ANKRD33B: variants seen among roughly 807,000 people sequenced by gnomAD.
ANKRD33B encodes the protein ankyrin repeat domain 33B.
A neutral mutation model predicts 21.5 loss-of-function variants in ANKRD33B; 6 were observed. The observed-to-expected ratio is 0.28, with a 90% CI of 0.15 to 0.55. ANKRD33B has a LOEUF of 0.55. ANKRD33B is among the 20% of genes least tolerant of loss of function. ANKRD33B has a pLI of 0.94. For synonymous variants in ANKRD33B, 347 were observed against 342.4 expected (o/e 1.01, Z -0.15); for missense variants, 698 against 747.2 (o/e 0.93, Z 0.77).
intron 1 of ANKRD33B, among the ~76,000 whole-genome samples, chr5:10,566,053 C>G (rs1156997431): frequency 8.5e-5 from 13 of 152,074 alleles, no homozygotes; most frequent in South Asian, 2.1e-4. Context: ...ACATTGCCCC[C>G]GTGATTCAAT....
At chr5:10,578,104 C>T (rs571884616) in intron 1 of ANKRD33B, among the ~76,000 whole-genome samples, 3 of 152,374 alleles carry the variant, frequency 2.0e-5, no homozygotes, top group African/African-American at 7.2e-5. Context: ...GGCTCTTTCA[C>T]ACACTGTGAT....
chr5:10,650,019 A>G lies in ANKRD33B; in HGVS notation c.1391A>G (p.Lys464Arg), dbSNP rs1221959690. The change falls in exon 4 of 4, where the codon AAG (lysine) becomes AGG (arginine). Residue 464 changes from lysine to arginine, a missense_variant. Lys to Arg is a conservative substitution (Grantham distance 26). This residue lies in a region of ANKRD33B where 543 missense variants were observed against 566.5 expected (regional missense o/e 0.96). Coordinates refer to ENST00000296657, the MANE Select transcript of ANKRD33B (RefSeq NM_001164440.2). ...CCCAAGTGGCGGTACAAGGAGGCCA[A>G]GGAGGAGAAGAGGAAGGCAGAGGAG... Reference protein sequence around the residue: ...QIPKWRYKEAKEEKRKAEEAE... With the variant: ...QIPKWRYKEAREEKRKAEEAE... 1 of 1,533,056 alleles carries G rather than the reference A, an allele frequency of 6.5e-7. No homozygotes were observed. The highest frequency in any genetic ancestry group is 1.2e-5 in the South Asian group (1 of 83,870). The allele number at this position is 1,533,056 out of a possible 1,614,324, so 95.0% of individuals were successfully genotyped here.
rs774080913 is a variant in ANKRD33B, at chr5:10,576,185, C to T, written c.366+11352C>T. ...AGTTGAATGAGCGTGAAAAGCTGCA[C>T]GCATGACCTTTTTCCTGTAGCCTTG... On this transcript the variant is annotated intron_variant, in intron 1 of 3. Transcript: ENST00000296657. The surrounding 1 kb of genome is among the most constrained non-coding windows in gnomAD (Gnocchi z 4.1). 7.2e-5 allele frequency among the ~76,000 whole-genome samples: 11 copies of T among 152,266 alleles called. No individual in the cohort carries two copies. Among genetic ancestry groups the T allele is most frequent in the South Asian group, 2.1e-4 (1 of 4,822 alleles).
At chr5:10,575,730 G>C (rs759136506) in intron 1 of ANKRD33B, among the ~76,000 whole-genome samples, 14 of 152,172 alleles carry the variant, frequency 9.2e-5, no homozygotes, top group Non-Finnish European at 1.5e-4. Context: ...GGGAATTACA[G>C]GGAGTGAAAA....
intron 1 of ANKRD33B, among the ~76,000 whole-genome samples, chr5:10,571,909 A>G (rs2936586): frequency 0.78 from 116,260 of 148,876 alleles, 45,692 homozygotes; most frequent in East Asian, 0.88. Context: ...TTTTTTTGAG[A>G]CGGAGTTTTG....
chr5:10,617,771 C>T (rs1328470699), intron 1 of ANKRD33B, among the ~76,000 whole-genome samples: 1 of 152,228 alleles, frequency 6.6e-6, no homozygotes, highest in African/African-American at 2.4e-5. Context: ...TGCTCTAGCC[C>T]TGCCGGCCAA....
At chr5:10,606,223 G>A (rs76188353) in intron 1 of ANKRD33B, among the ~76,000 whole-genome samples, 5 of 152,102 alleles carry the variant, frequency 3.3e-5, no homozygotes, top group Middle Eastern at 3.2e-3. Flanking sequence ...TAAGATTTAC[G>A]TTTTATGCAA....
Position 10,584,389 on chromosome 5 carries a change from T to C in ANKRD33B, c.366+19556T>C, listed in dbSNP as rs115189873. On this transcript the variant is annotated intron_variant, in intron 1 of 3. Coordinates refer to ENST00000296657, the MANE Select transcript of ANKRD33B (RefSeq NM_001164440.2). ...AGTAAGACCCTGTCTCTACAAAAAA[T>C]GCAAAAATTAGCCAGATGTGGGGGT... Among the ~76,000 whole-genome samples, 1,214 of 151,930 alleles carry C rather than the reference T, an allele frequency of 8.0e-3. 19 individuals carry two copies. The highest frequency in any genetic ancestry group is 0.027 in the African/African-American group (1,138 of 41,406).
chr5:10,576,497 C>G lies in ANKRD33B; in HGVS notation c.366+11664C>G, dbSNP rs1051309974. On this transcript the variant is annotated intron_variant, in intron 1 of 3. Coordinates refer to ENST00000296657, the MANE Select transcript of ANKRD33B (RefSeq NM_001164440.2). This position sits in a 1 kb window ranked among gnomAD's most constrained non-coding sequence, Gnocchi z 4.1. Reference sequence around the variant, plus strand: ...AAATCCAGTTTGTTGGTTGCATGATCCTGGACAAGTCCCATGATCTTTTGA... The same window carrying G: ...AAATCCAGTTTGTTGGTTGCATGATGCTGGACAAGTCCCATGATCTTTTGA... 1.3e-5 allele frequency among the ~76,000 whole-genome samples: 2 copies of G among 152,162 alleles called. No homozygotes were observed. The highest frequency in any genetic ancestry group is 2.4e-5 in the African/African-American group (1 of 41,440).
chr5:10,637,906 C>T (rs1332407150), intron 2 of ANKRD33B, 122 bp from the exon 3 acceptor site: 1 of 1,166,264 alleles, frequency 8.6e-7, no homozygotes, highest in Non-Finnish European at 1.2e-6. Flanking sequence ...GAAAAACTCA[C>T]ACAGCAGACC....
chr5:10,578,022 T>G (rs1268869182), intron 1 of ANKRD33B, among the ~76,000 whole-genome samples: 1 of 151,654 alleles, frequency 6.6e-6, no homozygotes, highest in African/African-American at 2.4e-5. Context: ...CCTTCAGGAG[T>G]GGGGAAAGGG....
chr5:10,639,440 AG>A (rs1736966738), intron 3 of ANKRD33B, among the ~76,000 whole-genome samples: 1 of 1,404 alleles, frequency 7.1e-4, no homozygotes, highest in Non-Finnish European at 1.3e-3. Flanking sequence ...CGGCGATGTT[AG>A]GCGGTGACGC....
At chr5:10,634,998 C>T (rs17761709) in intron 2 of ANKRD33B, among the ~76,000 whole-genome samples, 62,650 of 149,684 alleles carry the variant, frequency 0.42, 13,415 homozygotes, top group Middle Eastern at 0.56. Flanking sequence ...GGAAGCAGGG[C>T]GTGATTTCTT....
In ANKRD33B at chr5:10,644,046, A is replaced by G. The variant is rs542925590; in HGVS notation, c.638-5220A>G. On this transcript the variant is annotated intron_variant, in intron 3 of 3. Transcript: ENST00000296657. ...AGTGTTGAATTGCTTCCCCAGGATT[A>G]GTGGAGAGCAATAAGGACAGATGTT... Among the ~76,000 whole-genome samples the G allele has an allele frequency of 1.4e-4, 22 of 151,812 alleles. No individual in the cohort carries two copies. In the South Asian group the frequency reaches 3.9e-3, roughly 27 times the overall value.
At chr5:10,588,186 T>C (rs899856725) in intron 1 of ANKRD33B, among the ~76,000 whole-genome samples, 1 of 152,252 alleles carries the variant, frequency 6.6e-6, no homozygotes, top group African/African-American at 2.4e-5. Flanking sequence ...AAAAAGTGAC[T>C]GCGAATTCAT....
chr5:10,575,050 C>T lies in ANKRD33B; in HGVS notation c.366+10217C>T, dbSNP rs1278015245. ...TGCAGGATGAGCTAGGATGGTGCCA[C>T]TGCACTCAGCCTGGATGACACAATG... is the stretch of plus-strand genomic sequence containing the variant. On this transcript the variant is annotated intron_variant, in intron 1 of 3. Coordinates refer to ENST00000296657, the MANE Select transcript of ANKRD33B (RefSeq NM_001164440.2). 3.6e-5 allele frequency among the ~76,000 whole-genome samples: 2 copies of T among 55,238 alleles called. 1 individual carries two copies. Among genetic ancestry groups the T allele is most frequent in the Non-Finnish European group, 1.0e-4 (2 of 19,550 alleles). 36.2% of individuals were successfully genotyped at this position (55,238 alleles called of 152,430 possible). A position where few individuals can be genotyped will look rare whatever the true frequency, so the allele number is the denominator to read the frequency against.
intron 1 of ANKRD33B, among the ~76,000 whole-genome samples, chr5:10,605,456 G>T (rs1736025795): frequency 1.3e-5 from 2 of 152,082 alleles, no homozygotes; most frequent in Admixed American, 6.5e-5. Context: ...CTAGGACAGG[G>T]TCTGTGTTTT....
intron 1 of ANKRD33B, among the ~76,000 whole-genome samples, chr5:10,571,331 A>T (rs1735183428): frequency 6.6e-6 from 1 of 152,146 alleles, no homozygotes; most frequent in Admixed American, 6.5e-5. Context: ...CCTCCTGAGT[A>T]GCTGGGACTA....
At position 10,618,428 on chromosome 5, in the gene ANKRD33B, G is replaced by A. The variant is rs1267612703; in HGVS notation, c.462G>A (p.Glu154=). 2 of 1,537,102 alleles carry A rather than the reference G, an allele frequency of 1.3e-6. No homozygotes were observed. The highest frequency in any genetic ancestry group is 2.7e-5 in the African/African-American group (2 of 73,062). The part of the protein sequence containing the change: ...PHVDVNWQDS[E]GNTALITAAQ... ...TTGACGTCAACTGGCAGGACAGCGA[G>A]GGGAACACAGCCCTAATCACAGCTG... Residue 154 remains glutamate, a synonymous_variant, in exon 2 of 4, where the codon GAG becomes GAA. Coordinates refer to ENST00000296657, the MANE Select transcript of ANKRD33B (RefSeq NM_001164440.2).
Sources: gnomAD v4.1 joint callset for allele counts (sites outside exome capture counted in the v4.1 genomes callset) on GRCh38, gnomAD v4.1.1 for gene constraint, gnomAD v4.1.1 regional missense constraint, Gnocchi (gnomAD v3.1) non-coding constraint, MANE v1.5 for transcripts, NCBI Gene and HGNC (gene_info 2026-07-23, HGNC 2026-07-21) for gene names.